DMRTB1: variants seen among roughly 807,000 people sequenced by gnomAD.
The protein encoded by DMRTB1 is doublesex- and mab-3-related transcription factor B1.
In DMRTB1, 9 loss-of-function variants were observed where a neutral mutation model predicts 25.2. The ratio of observed to expected loss-of-function variants is 0.36; its 90% CI spans 0.22 to 0.62. The LOEUF (loss-of-function observed/expected upper bound fraction) is 0.62, where lower values mean the gene tolerates loss of function less well. DMRTB1 is among the 20% of genes least tolerant of loss of function. The pLI is 0.71. For missense variants in DMRTB1, 551 were observed against 499.3 expected, an observed-to-expected ratio of 1.10 and a Z score of -0.99; for synonymous variants, 269 against 238.1, an observed-to-expected ratio of 1.13 and a Z score of -1.20.
At position 53,461,557 on chromosome 1, in the gene DMRTB1, C is replaced by T. The variant is rs1011502282; in HGVS notation, c.662C>T (p.Pro221Leu). 3.1e-6 allele frequency: 5 copies of T among 1,612,080 alleles called. No homozygotes were observed. Among genetic ancestry groups the T allele is most frequent in the East Asian group, 4.5e-5 (2 of 44,754 alleles). Residue 221 changes from proline (P) to leucine (L), a missense_variant, in exon 2 of 4, where the codon CCG (proline) becomes CTG (leucine). Transcript: ENST00000371445. ...GSSMHPYCPF[P>L]LGYLDAPPGV... ...AGCATGCACCCCTACTGCCCGTTCC[C>T]GCTGGGCTACCTGGACGCCCCTCCT...
At position 53,459,985 on chromosome 1, in the gene DMRTB1, C is replaced by T. The variant is rs757481366; in HGVS notation, c.532C>T (p.Arg178Cys). ...TGGCTACCCTGGCCCCCTAGACCTG[C>T]GCAGGCCGATGCGGACCGTGCCCGG... The part of the protein sequence containing the change: ...GSGYPGPLDL[R>C]RPMRTVPGPL... The change falls in exon 1 of 4, where the codon CGC becomes TGC. Residue 178 changes from arginine (R) to cysteine (C), a missense_variant. Coordinates refer to ENST00000371445, the MANE Select transcript of DMRTB1 (RefSeq NM_033067.3). 10 of 1,585,600 alleles carry T rather than the reference C, an allele frequency of 6.3e-6. No homozygotes were observed. Among genetic ancestry groups the T allele is most frequent in the Admixed American group, 1.7e-5 (1 of 59,308 alleles).
In DMRTB1 at chr1:53,459,732, G is replaced by T; in HGVS notation, c.279G>T (p.Ala93=). 7.3e-7 allele frequency: 1 copy of T among 1,361,530 alleles called. No individual in the cohort carries two copies. Among genetic ancestry groups the T allele is most frequent in the Non-Finnish European group, 9.4e-7 (1 of 1,060,414 alleles). The allele number at this position is 1,361,530 out of a possible 1,614,324, so 84.3% of individuals were successfully genotyped here. A position where few individuals can be genotyped will look rare whatever the true frequency, so the allele number is the denominator to read the frequency against. Residue 93 remains alanine (A), a synonymous_variant, in exon 1 of 4, where the codon GCG becomes GCT. Coordinates refer to ENST00000371445, the MANE Select transcript of DMRTB1 (RefSeq NM_033067.3). ...CCGCCCCCGTCCCCGTCCCGGCCGCGAGCCTCCGCCCGCTGTCCCCGGGGA... is the reference window on the plus strand; with the variant it reads ...CCGCCCCCGTCCCCGTCCCGGCCGCTAGCCTCCGCCCGCTGTCCCCGGGGA... The part of the protein sequence containing the change: ...AAPAPVPVPA[A]SLRPLSPGTP...
Position 53,459,878 on chromosome 1 carries a change from G to A in DMRTB1, c.425G>A (p.Ser142Asn). ...RALQPVLGGR[S>N]HVEPSERAAV... ...CTCCAGCCGGTTCTGGGCGGCCGCA[G>A]CCACGTGGAGCCGAGCGAGCGAGCC... The change falls in exon 1 of 4, where the codon AGC becomes AAC. Residue 142 changes from serine (S) to asparagine (N), a missense_variant. Transcript: ENST00000371445. The A allele has an allele frequency of 6.6e-7, 1 of 1,514,162 alleles. No individual in the cohort carries two copies. Among genetic ancestry groups the A allele is most frequent in the Non-Finnish European group, 8.8e-7 (1 of 1,140,314 alleles). 93.8% of individuals were successfully genotyped at this position (1,514,162 alleles called of 1,614,324 possible).
At chr1:53,460,106 A>AT in intron 1 of DMRTB1, 76 bp downstream of exon 1, 1 of 1,455,810 alleles carries the variant, frequency 6.9e-7, no homozygotes, top group Non-Finnish European at 9.0e-7. Flanking sequence ...GAGCTGGCAT[A>AT]GGGGTTCGGG....
chr1:53,463,754 G>A (rs747265259), intron 2 of DMRTB1, among the ~76,000 whole-genome samples: 7 of 152,208 alleles, frequency 4.6e-5, no homozygotes, highest in Non-Finnish European at 8.8e-5. Flanking sequence ...AAAATACTTT[G>A]TAGGACACCA....
Position 53,467,452 on chromosome 1 carries a change from G to A in DMRTB1, c.*790G>A, listed in dbSNP as rs1425541068. On this transcript the variant is annotated 3_prime_UTR_variant, in exon 4 of 4. Coordinates refer to ENST00000371445, the MANE Select transcript of DMRTB1 (RefSeq NM_033067.3). ...GTGACATGAACAGTTTCTTCTGTGA[G>A]GACAGTTGGCTATTGAAATAAAATG... 1 of 152,282 alleles carries A rather than the reference G, an allele frequency of 6.6e-6. No homozygotes were observed. Among genetic ancestry groups the A allele is most frequent in the Non-Finnish European group, 1.5e-5 (1 of 68,056 alleles). 9.4% of individuals were successfully genotyped at this position (152,282 alleles called of 1,614,324 possible). A position where few individuals can be genotyped will look rare whatever the true frequency, so the allele number is the denominator to read the frequency against.
rs116613843 is a variant in DMRTB1, at chr1:53,460,862, G to A, written c.578-611G>A. On this transcript the variant is annotated intron_variant, in intron 1 of 3. Coordinates refer to ENST00000371445, the MANE Select transcript of DMRTB1 (RefSeq NM_033067.3). The stretch of plus-strand genomic sequence containing the variant: ...CCTCTGTGTGCCAGGGCACTGGTCC[G>A]GAGGCTCCCGCAGGCTCGTCCCGCC... 3.7e-3 allele frequency among the ~76,000 whole-genome samples: 571 copies of A among 152,328 alleles called. 2 individuals are homozygous for A. Among genetic ancestry groups the A allele is most frequent in the African/African-American group, 0.013 (549 of 41,584 alleles).
intron 2 of DMRTB1, among the ~76,000 whole-genome samples, chr1:53,461,994 C>T (rs536184863): frequency 4.3e-4 from 66 of 152,274 alleles, no homozygotes; most frequent in African/African-American, 1.6e-3. Flanking sequence ...CTTCCTGGGA[C>T]CACAAAATTT....
rs1250055691 is a variant in DMRTB1 at position 53,461,379 on chromosome 1, G to C, written c.578-94G>C. The C allele has an allele frequency of 3.0e-5, 40 of 1,327,024 alleles. 1 individual carries two copies. In the East Asian group the frequency reaches 1.0e-3, roughly 34 times the overall value. The allele number at this position is 1,327,024 out of a possible 1,614,324, so 82.2% of individuals were successfully genotyped here. A position where few individuals can be genotyped will look rare whatever the true frequency, so the allele number is the denominator to read the frequency against. On this transcript the variant is annotated intron_variant, in intron 1 of 3. Coordinates refer to ENST00000371445, the MANE Select transcript of DMRTB1 (RefSeq NM_033067.3). ...GTGCGGGGTGGGCTTTCTGTGCTTG[G>C]ACGGCAGCGCTGATGACCCCGCCGC...
rs894953749 is a variant in DMRTB1, at chr1:53,459,643, G to C, written c.190G>C (p.Glu64Gln). ...GCTCAAGACGCAGGCCGCCGAGGAG[G>C]AGCAGGAGGCGGCCCTGTGTGCGCA... ...KVLKTQAAEE[E>Q]QEAALCAQGP... Residue 64 changes from glutamate (E) to glutamine (Q), a missense_variant, in exon 1 of 4, where the codon GAG becomes CAG. Physicochemically the swap from Glu to Gln is conservative, Grantham distance 29 (BLOSUM62 2). Coordinates refer to ENST00000371445, the MANE Select transcript of DMRTB1 (RefSeq NM_033067.3). 3 of 1,556,446 alleles carry C rather than the reference G, an allele frequency of 1.9e-6. No individual in the cohort carries two copies. Among genetic ancestry groups the C allele is most frequent in the East Asian group, 4.8e-5 (2 of 41,498 alleles).
At chr1:53,460,788 C>T (rs1025723994) in intron 1 of DMRTB1, among the ~76,000 whole-genome samples, 1 of 152,180 alleles carries the variant, frequency 6.6e-6, no homozygotes, top group South Asian at 2.1e-4. Context: ...TGTGGTGGGA[C>T]GGGCTCAGGC....
rs779504255 is a variant in DMRTB1 at position 53,466,715 on chromosome 1, A to C, written c.*53A>C. On this transcript the variant is annotated 3_prime_UTR_variant, in exon 4 of 4. Transcript: ENST00000371445. ...GAGTGGGGCACTGGGGGGCAACAGC[A>C]ACAGTTTTCTTGTCTTCATTCAGTG... The C allele has an allele frequency of 5.2e-5, 81 of 1,569,256 alleles. No individual in the cohort carries two copies. Among genetic ancestry groups the C allele is most frequent in the Non-Finnish European group, 6.1e-5 (70 of 1,144,438 alleles).
Position 53,459,774 on chromosome 1 carries a change from CGACCCGG to C in DMRTB1, c.328_334del (p.Gly110ArgfsTer64). 8.0e-6 allele frequency: 11 copies of C among 1,378,986 alleles called. No homozygotes were observed. Among genetic ancestry groups the C allele is most frequent in the Non-Finnish European group, 1.0e-5 (11 of 1,068,968 alleles). The allele number at this position is 1,378,986 out of a possible 1,614,324, so 85.4% of individuals were successfully genotyped here. ...CCCCGGGGACTCCCTCCGGAGACGC[CGACCCGG>C]GACCCGAGGGCCGCGCGGCCGCTTG... On this transcript the variant is annotated frameshift_variant, in exon 1 of 4. Transcript: ENST00000371445. LOFTEE classifies it high-confidence loss of function.
In DMRTB1 at chr1:53,459,673, C is replaced by A. The variant is rs1400065768; in HGVS notation, c.220C>A (p.Pro74Thr). Residue 74 changes from proline (P) to threonine (T), a missense_variant, in exon 1 of 4, where the codon CCC becomes ACC. Pro to Thr is a conservative substitution (Grantham distance 38, BLOSUM62 -1). Transcript: ENST00000371445. ...GGAGGCGGCCCTGTGTGCGCAGGGG[C>A]CCAAGCAGGCCTCCGGGGCTGCGGC... ...EQEAALCAQG[P>T]KQASGAAAAA... 1.9e-6 allele frequency: 3 copies of A among 1,541,308 alleles called. No individual in the cohort carries two copies. The highest frequency in any genetic ancestry group is 1.4e-5 in the African/African-American group (1 of 72,552).
At chr1:53,461,445 C>T (rs1644021851) in intron 1 of DMRTB1, 28 bp from the exon 2 acceptor site, 1 of 1,545,824 alleles carries the variant, frequency 6.5e-7, no homozygotes, top group Non-Finnish European at 8.8e-7. Context: ...CGGTGTCTAA[C>T]ACTTCCCTCC....
chr1:53,464,797 C>T lies in DMRTB1; in HGVS notation c.911C>T (p.Pro304Leu). 6.2e-7 allele frequency: 1 copy of T among 1,614,074 alleles called. No individual in the cohort carries two copies. The highest frequency in any genetic ancestry group is 8.5e-7 in the Non-Finnish European group (1 of 1,180,020). ...CCCCCGCCACCGCCACCACCACCTC[C>T]ATCATCTTTCTCACTGACCGTCCTG... is the stretch of plus-strand genomic sequence containing the variant. The part of the protein sequence containing the change: ...FLPPPPPPPP[P>L]SSFSLTVLFD... The change falls in exon 3 of 4, where the codon CCA (proline) becomes CTA (leucine). Residue 304 changes from proline (P) to leucine (L), a missense_variant. Transcript: ENST00000371445.
In DMRTB1 at chr1:53,460,009, G is replaced by A. The variant is rs766118397; in HGVS notation, c.556G>A (p.Gly186Ser). The change falls in exon 1 of 4, where the codon GGC becomes AGC. Residue 186 changes from glycine (G) to serine (S), a missense_variant. Physicochemically the swap from Gly to Ser is moderately conservative, Grantham distance 56 (BLOSUM62 0). Transcript: ENST00000371445. ...GCGCAGGCCGATGCGGACCGTGCCC[G>A]GCCCACTGTTCACCGACTTTGGTAA... ...DLRRPMRTVP[G>S]PLFTDFVRPL... 1.3e-6 allele frequency: 2 copies of A among 1,581,470 alleles called. No individual in the cohort carries two copies. The highest frequency in any genetic ancestry group is 1.7e-5 in the Admixed American group (1 of 58,994).
Position 53,466,779 on chromosome 1 carries a change from A to G in DMRTB1, c.*117A>G. The G allele has an allele frequency of 2.0e-6, 2 of 1,004,594 alleles. No individual in the cohort carries two copies. Among genetic ancestry groups the G allele is most frequent in the Non-Finnish European group, 3.1e-6 (2 of 649,866 alleles). 62.2% of individuals were successfully genotyped at this position (1,004,594 alleles called of 1,614,324 possible). On this transcript the variant is annotated 3_prime_UTR_variant, in exon 4 of 4. Coordinates refer to ENST00000371445, the MANE Select transcript of DMRTB1 (RefSeq NM_033067.3). ...AAGGAGGTTGATAGCATAGATGGCA[A>G]CTGATTCCCAGTTTAAGATAGGAGG...
At position 53,460,564 on chromosome 1, in the gene DMRTB1, A is replaced by G. The variant is rs192371043; in HGVS notation, c.577+534A>G. ...CCCTCCGTTTCCCCACGTGCAGGTGAGGGGAGCCTGCTTCTTTACTCCACA... is the reference window on the plus strand; with the variant it reads ...CCCTCCGTTTCCCCACGTGCAGGTGGGGGGAGCCTGCTTCTTTACTCCACA... On this transcript the variant is annotated intron_variant, in intron 1 of 3. Transcript: ENST00000371445. The G allele has an allele frequency of 2.9e-3, 442 of 153,108 alleles. 3 individuals are homozygous for G. Among genetic ancestry groups the G allele is most frequent in the Non-Finnish European group, 4.9e-3 (338 of 68,636 alleles). 9.5% of individuals were successfully genotyped at this position (153,108 alleles called of 1,614,324 possible).
Sources: allele counts gnomAD v4.1 joint callset (sites outside exome capture counted in the v4.1 genomes callset), GRCh38; gene constraint gnomAD v4.1.1; transcripts MANE v1.5; gene names NCBI Gene and HGNC (gene_info 2026-07-23, HGNC 2026-07-21).